Variants in CRAMP1 observed in about 807,000 individuals in gnomAD.
The protein encoded by CRAMP1 is cramped chromatin regulator 1, also known as protein cramped-like.
CRAMP1 carries 50 observed loss-of-function variants against 115.4 expected under a neutral mutation model. The observed-to-expected ratio is 0.43, with a 90% CI of 0.35 to 0.55. CRAMP1 has a LOEUF of 0.55. Among genes scored for constraint, CRAMP1 ranks in the 20% least tolerant of loss-of-function variants. The pLI is 0.01. For missense variants in CRAMP1, 1,679 were observed against 1,721.7 expected, an observed-to-expected ratio of 0.98 and a Z score of 0.44; for synonymous variants, 866 against 745.4, an observed-to-expected ratio of 1.16 and a Z score of -2.64.
At chr16:1,651,269 A>G (rs575169490) in intron 6 of CRAMP1, among the ~76,000 whole-genome samples, 5 of 150,690 alleles carry the variant, frequency 3.3e-5, no homozygotes, top group Non-Finnish European at 5.9e-5. Flanking sequence ...GTGGACTGAG[A>G]TCACGGAGAG....
At chr16:1,661,982 A>G (rs1014677901) in intron 11 of CRAMP1, among the ~76,000 whole-genome samples, 2 of 152,212 alleles carry the variant, frequency 1.3e-5, no homozygotes, top group Non-Finnish European at 2.9e-5. Context: ...TGCAGCCCAG[A>G]TCCAGCTCAC....
At chr16:1,622,817 A>C (rs1383586684) in intron 2 of CRAMP1, among the ~76,000 whole-genome samples, 1 of 146,956 alleles carries the variant, frequency 6.8e-6, no homozygotes, top group Non-Finnish European at 1.5e-5. Flanking sequence ...GCTGGAGTGC[A>C]GTGGCTAGAT....
At position 1,674,182 on chromosome 16, in the gene CRAMP1, C is replaced by A; in HGVS notation, c.*137C>A. ...AACGGGCAGGAACGTGGTCACAGAG[C>A]TGCTTCCCCACGAGCAGCAGGCAAC... On this transcript the variant is annotated 3_prime_UTR_variant, in exon 21 of 21. Coordinates refer to ENST00000397412, the MANE Select transcript of CRAMP1 (RefSeq NM_020825.4). 2 of 856,962 alleles carry A rather than the reference C, an allele frequency of 2.3e-6. No individual in the cohort carries two copies. The highest frequency in any genetic ancestry group is 3.5e-6 in the Non-Finnish European group (2 of 568,874). The allele number at this position is 856,962 out of a possible 1,614,324, so 53.1% of individuals were successfully genotyped here. A position where few individuals can be genotyped will look rare whatever the true frequency, so the allele number is the denominator to read the frequency against.
chr16:1,645,039 T>C (rs1285919701), intron 6 of CRAMP1, among the ~76,000 whole-genome samples: 1 of 145,880 alleles, frequency 6.9e-6, no homozygotes, highest in East Asian at 2.0e-4. Context: ...TGTTCTTTTT[T>C]TTTTGCTTTT....
At chr16:1,630,068 C>T (rs995525801) in intron 3 of CRAMP1, among the ~76,000 whole-genome samples, 4 of 152,210 alleles carry the variant, frequency 2.6e-5, no homozygotes, top group South Asian at 2.1e-4. Flanking sequence ...CAGCAGTCCC[C>T]AGGTTCTCAT....
chr16:1,625,991 C>T lies in CRAMP1; in HGVS notation c.365C>T (p.Ser122Leu). The T allele has an allele frequency of 5.8e-6, 9 of 1,551,652 alleles. No homozygotes were observed. In the Middle Eastern group the frequency reaches 1.5e-3, roughly 259 times the overall value. ...PRGKGAEGGGSSSGNVSGVAP... is the reference protein window; with the variant it reads ...PRGKGAEGGGLSSGNVSGVAP... ...CTCCAAGGAGCTGAAGGTGGTGGAT[C>T]ATCGTCTGGAAATGTGTCTGGGGTT... is the stretch of plus-strand genomic sequence containing the variant. The change falls in exon 3 of 21, where the codon TCA becomes TTA. Residue 122 changes from serine (S) to leucine (L), a missense_variant. Transcript: ENST00000397412.
intron 13 of CRAMP1, among the ~76,000 whole-genome samples, chr16:1,664,072 A>C (rs946567002): frequency 2.6e-5 from 4 of 152,150 alleles, no homozygotes; most frequent in Non-Finnish European, 4.4e-5. Context: ...CCTCCTCTCT[A>C]GTCTCTCCGA....
chr16:1,658,866 C>T (rs1038209083), intron 10 of CRAMP1, among the ~76,000 whole-genome samples: 2 of 152,068 alleles, frequency 1.3e-5, no homozygotes, highest in African/African-American at 4.8e-5. Flanking sequence ...AGGGAGGTTG[C>T]CCCGGGTGGG....
intron 2 of CRAMP1, among the ~76,000 whole-genome samples, chr16:1,617,347 T>G (rs764442584): frequency 4.6e-5 from 7 of 152,168 alleles, no homozygotes; most frequent in Non-Finnish European, 8.8e-5. Context: ...GACACCAGTC[T>G]TTGGAGAGAC....
chr16:1,613,747 C>G (rs1017860050), intron 1 of CRAMP1, among the ~76,000 whole-genome samples: 2 of 152,132 alleles, frequency 1.3e-5, no homozygotes, highest in African/African-American at 4.8e-5. Context: ...TGTCTTCTAC[C>G]GCTTCTTGCA....
intron 8 of CRAMP1, 100 bp from the exon 9 acceptor site, chr16:1,655,119 C>T (rs1296657061): frequency 1.3e-5 from 14 of 1,057,064 alleles, no homozygotes; most frequent in Non-Finnish European, 1.6e-5. Context: ...GGTCCCTTGT[C>T]TCTTTTGGCA....
chr16:1,661,358 A>T (rs567913079), intron 11 of CRAMP1, among the ~76,000 whole-genome samples: 217 of 145,056 alleles, frequency 1.5e-3, no homozygotes, highest in Non-Finnish European at 1.5e-3. Flanking sequence ...GGGCCGGGTG[A>T]GGGGTCCTGG....
chr16:1,651,032 A>G (rs2036717806), intron 6 of CRAMP1, among the ~76,000 whole-genome samples: 1 of 152,184 alleles, frequency 6.6e-6, no homozygotes, highest in Non-Finnish European at 1.5e-5. Context: ...GCTCACACAG[A>G]GGTCATGGAG....
rs201446092 is a variant in CRAMP1 at position 1,656,383 on chromosome 16, G to C, written c.1626G>C (p.Pro542=). The C allele has an allele frequency of 6.3e-7, 1 of 1,596,166 alleles. No individual in the cohort carries two copies. The highest frequency in any genetic ancestry group is 8.5e-7 in the Non-Finnish European group (1 of 1,171,510). The change falls in exon 10 of 21, where the codon CCG becomes CCC. Residue 542 remains proline, a synonymous_variant. Transcript: ENST00000397412. The surrounding 1 kb of genome is among the most constrained non-coding windows in gnomAD (Gnocchi z 5.6). The part of the protein sequence containing the change: ...DSPTREPGAL[P]CACGQLPDLE... ...CCACCCGGGAGCCAGGGGCCTTGCC[G>C]TGTGCCTGTGGCCAGCTCCCAGACC...
At chr16:1,626,626 C>T (rs12444635) in intron 3 of CRAMP1, among the ~76,000 whole-genome samples, 3,003 of 152,120 alleles carry the variant, frequency 0.02, 231 homozygotes, top group Admixed American at 0.13. Context: ...AATGGAAAGT[C>T]CTAAAAATAG....
chr16:1,629,168 A>C (rs2036529319), intron 3 of CRAMP1, among the ~76,000 whole-genome samples: 1 of 152,196 alleles, frequency 6.6e-6, no homozygotes, highest in South Asian at 2.1e-4. Flanking sequence ...ACAGCCACAC[A>C]GCCAGCGTCC....
At chr16:1,630,543 G>C (rs1407118889) in intron 3 of CRAMP1, among the ~76,000 whole-genome samples, 1 of 152,160 alleles carries the variant, frequency 6.6e-6, no homozygotes, top group South Asian at 2.1e-4. Context: ...CACAGCATTA[G>C]GGCAGCCGCA....
At chr16:1,647,861 G>A (rs138941041) in intron 6 of CRAMP1, among the ~76,000 whole-genome samples, 1,876 of 151,870 alleles carry the variant, frequency 0.012, 26 homozygotes, top group Non-Finnish European at 0.016. Context: ...GCCCTGTGCC[G>A]GGCCTATCTG....
chr16:1,626,003 A>G lies in CRAMP1; in HGVS notation c.377A>G (p.Asn126Ser). ...GAEGGGSSSG[N>S]VSGVAPAAPA... ...GAAGGTGGTGGATCATCGTCTGGAA[A>G]TGTGTCTGGGGTTGCCCCTGCTGCC... The change falls in exon 3 of 21, where the codon AAT becomes AGT. Residue 126 changes from asparagine to serine, a missense_variant. Physicochemically the swap from Asn to Ser is conservative, Grantham distance 46 (BLOSUM62 1). This residue lies in a region of CRAMP1 where 264 missense variants were observed against 229.7 expected (regional missense o/e 1.15). Transcript: ENST00000397412. 1 of 1,551,526 alleles carries G rather than the reference A, an allele frequency of 6.4e-7. No homozygotes were observed. Among genetic ancestry groups the G allele is most frequent in the Non-Finnish European group, 8.7e-7 (1 of 1,146,898 alleles).
Sources: allele counts gnomAD v4.1 joint callset (sites outside exome capture counted in the v4.1 genomes callset), GRCh38; gene constraint gnomAD v4.1.1; regional missense constraint gnomAD v4.1.1; non-coding constraint Gnocchi (gnomAD v3.1); transcripts MANE v1.5; gene names NCBI Gene and HGNC (gene_info 2026-07-23, HGNC 2026-07-21).